Variants in SGIP1 observed in about 807,000 individuals in gnomAD.
SGIP1 encodes SH3GL interacting endocytic adaptor 1, also known as SH3-containing GRB2-like protein 3-interacting protein 1.
A neutral mutation model predicts 107.5 loss-of-function variants in SGIP1; 38 were observed. The observed-to-expected ratio is 0.35, with a 90% confidence interval of 0.27 to 0.46. The LOEUF (loss-of-function observed/expected upper bound fraction) is 0.46. SGIP1 is among the 20% of genes least tolerant of loss of function. SGIP1 has a pLI of 1.00. For synonymous variants in SGIP1, 365 were observed against 366.1 expected (o/e 1.00, Z 0.03); for missense variants, 929 against 1,019.5 (o/e 0.91, Z 1.21).
intron 1 of SGIP1, among the ~76,000 whole-genome samples, chr1:66,541,154 C>T (rs1406530883): frequency 6.6e-6 from 1 of 152,228 alleles, no homozygotes; most frequent in Non-Finnish European, 1.5e-5. Context: ...TATGGCAACC[C>T]TCTTCTGCAA....
At chr1:66,691,962 C>A (rs1426093991) in intron 17 of SGIP1, among the ~76,000 whole-genome samples, 1 of 152,090 alleles carries the variant, frequency 6.6e-6, no homozygotes, top group Non-Finnish European at 1.5e-5. Context: ...AGTTCAAGAC[C>A]AGCCTGGCCA....
At chr1:66,653,166 TA>T (rs1205797941) in intron 7 of SGIP1, among the ~76,000 whole-genome samples, 2 of 152,192 alleles carry the variant, frequency 1.3e-5, no homozygotes, top group Non-Finnish European at 2.9e-5. Flanking sequence ...CCAGGACTCA[TA>T]GAGGATAGAT....
At chr1:66,722,591 T>C (rs372874606) in intron 19 of SGIP1, among the ~76,000 whole-genome samples, 1 of 152,212 alleles carries the variant, frequency 6.6e-6, no homozygotes. Flanking sequence ...ACAGGAGATA[T>C]ATTGGCGATA....
chr1:66,559,535 C>G (rs1194138443), intron 1 of SGIP1, among the ~76,000 whole-genome samples: 1 of 152,046 alleles, frequency 6.6e-6, no homozygotes, highest in African/African-American at 2.4e-5. Context: ...ACAGAAAGAG[C>G]AGAGGGAGTC....
At chr1:66,553,186 GCAC>G (rs2057687322) in intron 1 of SGIP1, among the ~76,000 whole-genome samples, 3 of 152,218 alleles carry the variant, frequency 2.0e-5, no homozygotes, top group African/African-American at 7.2e-5. Flanking sequence ...CTGTTCATTT[GCAC>G]CACAACAGTC....
chr1:66,642,660 T>C, intron 5 of SGIP1, 150 bp from the exon 6 acceptor site: 1 of 577,122 alleles, frequency 1.7e-6, no homozygotes, highest in Non-Finnish European at 3.0e-6. Context: ...TATCTAAACA[T>C]ATTGCTCAGA....
rs558356494 is a variant in SGIP1, at chr1:66,632,712, GAGCCAGCTAGAGTGGGACAGTT to G, written c.75-340_75-319del. Among the ~76,000 whole-genome samples the G allele has an allele frequency of 2.5e-3, 376 of 152,248 alleles. 8 individuals are homozygous for G. Among genetic ancestry groups the G allele is most frequent in the East Asian group, 4.4e-3 (23 of 5,180 alleles). On this transcript the variant is annotated intron_variant, in intron 2 of 24. Transcript: ENST00000371037. ...ACTTGCCTCATGATAGTTTTAAATG[GAGCCAGCTAGAGTGGGACAGTT>G]AGCCAGCTAGAGTGGGATAGTTTTA...
Position 66,643,631 on chromosome 1 carries a change from T to G in SGIP1, c.371T>G (p.Leu124Trp). The change falls in exon 7 of 25, where the codon TTG becomes TGG. Residue 124 changes from leucine (L) to tryptophan (W), a missense_variant. Transcript: ENST00000371037. Reference protein sequence around the residue: ...HKKFNIKIKPLQSKDILKNAA... With the variant: ...HKKFNIKIKPWQSKDILKNAA... ...AAATTTAATATCAAGATTAAACCATTGCAATCTAAAGACATTCTTAAGAAT... is the reference window on the plus strand; with the variant it reads ...AAATTTAATATCAAGATTAAACCATGGCAATCTAAAGACATTCTTAAGAAT... 1 of 1,611,398 alleles carries G rather than the reference T, an allele frequency of 6.2e-7. No individual in the cohort carries two copies. Among genetic ancestry groups the G allele is most frequent in the Non-Finnish European group, 8.5e-7 (1 of 1,179,048 alleles).
At chr1:66,575,448 T>C (rs1204343104) in intron 1 of SGIP1, among the ~76,000 whole-genome samples, 1 of 152,178 alleles carries the variant, frequency 6.6e-6, no homozygotes, top group African/African-American at 2.4e-5. Context: ...CTACCTGCTG[T>C]GGTTTTGGAA....
At chr1:66,685,497 C>T (rs568881266) in intron 15 of SGIP1, among the ~76,000 whole-genome samples, 1 of 152,294 alleles carries the variant, frequency 6.6e-6, no homozygotes, top group South Asian at 2.1e-4. Flanking sequence ...TGTTGGCTTG[C>T]ACCATGTTTG....
At chr1:66,591,529 G>T (rs1217538675) in intron 1 of SGIP1, among the ~76,000 whole-genome samples, 2 of 152,130 alleles carry the variant, frequency 1.3e-5, no homozygotes, top group Non-Finnish European at 2.9e-5. Flanking sequence ...CCCTACACAT[G>T]CACAGCCTCC....
intron 1 of SGIP1, among the ~76,000 whole-genome samples, chr1:66,534,958 C>T (rs558750987): frequency 6.6e-6 from 1 of 152,090 alleles, no homozygotes; most frequent in Non-Finnish European, 1.5e-5. Flanking sequence ...GGAAAATATC[C>T]GGGCCTCTTG....
intron 1 of SGIP1, among the ~76,000 whole-genome samples, chr1:66,555,850 G>A (rs1221507354): frequency 6.6e-6 from 1 of 152,082 alleles, no homozygotes; most frequent in African/African-American, 2.4e-5. Context: ...ACTTACAACA[G>A]TATGAGGTAA....
intron 1 of SGIP1, among the ~76,000 whole-genome samples, chr1:66,561,852 A>G (rs1237465257): frequency 6.6e-6 from 1 of 152,082 alleles, no homozygotes; most frequent in Non-Finnish European, 1.5e-5. Flanking sequence ...TATATGTTTT[A>G]TTAGTACTCA....
intron 10 of SGIP1, 39 bp from the exon 11 acceptor site, chr1:66,671,905 A>G: frequency 1.2e-6 from 2 of 1,603,628 alleles, no homozygotes; most frequent in Non-Finnish European, 1.7e-6. Flanking sequence ...AGGGAATGGT[A>G]AAAATTTGTC....
At chr1:66,608,633 T>A (rs563981290) in intron 1 of SGIP1, among the ~76,000 whole-genome samples, 43 of 152,326 alleles carry the variant, frequency 2.8e-4, no homozygotes, top group African/African-American at 1.0e-3. Flanking sequence ...GTATATGATG[T>A]TTCATTTCCC....
At chr1:66,542,143 T>C (rs528358008) in intron 1 of SGIP1, among the ~76,000 whole-genome samples, 30 of 152,054 alleles carry the variant, frequency 2.0e-4, no homozygotes, top group South Asian at 4.1e-4. Flanking sequence ...TTTATATATA[T>C]AATTATATAT....
intron 1 of SGIP1, among the ~76,000 whole-genome samples, chr1:66,606,688 C>T (rs906539929): frequency 6.6e-6 from 1 of 152,188 alleles, no homozygotes; most frequent in African/African-American, 2.4e-5. Flanking sequence ...GACGAAGAGT[C>T]ATCATAATGC....
At chr1:66,656,058 ATAGT>A (rs138279969) in intron 7 of SGIP1, among the ~76,000 whole-genome samples, 19,485 of 152,126 alleles carry the variant, frequency 0.13, 1,277 homozygotes, top group African/African-American at 0.14. Flanking sequence ...ATACTTTATA[ATAGT>A]TAAATTCTTT....
Sources: allele counts gnomAD v4.1 joint callset (sites outside exome capture counted in the v4.1 genomes callset), GRCh38; gene constraint gnomAD v4.1.1; transcripts MANE v1.5; gene names NCBI Gene and HGNC (gene_info 2026-07-23, HGNC 2026-07-21).